The following KCNT2 variants were observed in gnomAD, a reference collection of about 807,000 sequenced individuals.
KCNT2 encodes the protein potassium sodium-activated channel subfamily T member 2, also known as potassium channel subfamily T member 2.
Under a neutral mutation model 153.8 loss-of-function variants are expected in KCNT2, and 67 were observed. The ratio of observed to expected loss-of-function variants is 0.44; its 90% CI spans 0.36 to 0.53. The LOEUF is 0.53. Among genes scored for constraint, KCNT2 ranks in the 20% least tolerant of loss-of-function variants. KCNT2 has a pLI of 0.00. For synonymous variants in KCNT2, 500 were observed against 458.8 expected, an observed-to-expected ratio of 1.09 and a Z score of -1.15; for missense variants, 975 against 1,354.8, an observed-to-expected ratio of 0.72 and a Z score of 4.40.
intron 1 of KCNT2, among the ~76,000 whole-genome samples, chr1:196,594,342 T>C (rs1482789085): frequency 6.6e-6 from 1 of 152,182 alleles, no homozygotes; most frequent in African/African-American, 2.4e-5. Context: ...AGGCTTAGAA[T>C]GAACATTAAA....
At chr1:196,423,793 A>G (rs1325367050) in intron 11 of KCNT2, among the ~76,000 whole-genome samples, 1 of 151,820 alleles carries the variant, frequency 6.6e-6, no homozygotes, top group Non-Finnish European at 1.5e-5. Context: ...AATAAGACCA[A>G]ACCAAACAGT....
intron 25 of KCNT2, among the ~76,000 whole-genome samples, chr1:196,279,398 C>T (rs1261871315): frequency 3.3e-5 from 5 of 151,756 alleles, no homozygotes; most frequent in Non-Finnish European, 7.4e-5. Flanking sequence ...GGAGGAGAGA[C>T]GGCAGCAAAA....
At chr1:196,288,458 G>A (rs975859007) in intron 22 of KCNT2, among the ~76,000 whole-genome samples, 1 of 152,056 alleles carries the variant, frequency 6.6e-6, no homozygotes, top group Non-Finnish European at 1.5e-5. Context: ...TTTAAGAGGA[G>A]GAGTGATACG....
chr1:196,522,904 A>G (rs1243614024), intron 1 of KCNT2, among the ~76,000 whole-genome samples: 2 of 152,212 alleles, frequency 1.3e-5, no homozygotes, highest in Non-Finnish European at 2.9e-5. Flanking sequence ...TGTAAAATGC[A>G]CCAATCAGCA....
At chr1:196,541,670 A>C (rs1379812693) in intron 1 of KCNT2, among the ~76,000 whole-genome samples, 1 of 152,094 alleles carries the variant, frequency 6.6e-6, no homozygotes, top group African/African-American at 2.4e-5. Flanking sequence ...TTTTCTAACA[A>C]GCAGGATATT....
intron 13 of KCNT2, among the ~76,000 whole-genome samples, chr1:196,389,408 G>A (rs1298549103): frequency 6.6e-6 from 1 of 151,528 alleles, no homozygotes; most frequent in East Asian, 1.9e-4. Context: ...TTGTACAGAA[G>A]AGGTTTTATT....
intron 1 of KCNT2, among the ~76,000 whole-genome samples, chr1:196,571,669 C>T (rs1037831308): frequency 6.6e-6 from 1 of 151,946 alleles, no homozygotes; most frequent in African/African-American, 2.4e-5. Context: ...AACTAGAGTC[C>T]AAATGGTACA....
At chr1:196,567,039 C>T (rs895676430) in intron 1 of KCNT2, among the ~76,000 whole-genome samples, 1 of 152,022 alleles carries the variant, frequency 6.6e-6, no homozygotes, top group African/African-American at 2.4e-5. Flanking sequence ...ATGCAAGAAT[C>T]ATATGACATC....
intron 1 of KCNT2, among the ~76,000 whole-genome samples, chr1:196,588,983 A>G (rs1055008443): frequency 6.6e-6 from 1 of 151,998 alleles, no homozygotes; most frequent in Non-Finnish European, 1.5e-5. Context: ...GCCTATAAGT[A>G]TTTAAAGACA....
intron 1 of KCNT2, among the ~76,000 whole-genome samples, chr1:196,549,707 C>T (rs1657634793): frequency 6.6e-6 from 1 of 151,920 alleles, no homozygotes; most frequent in East Asian, 1.9e-4. Context: ...ATAATGCACA[C>T]TAAATTTTAT....
intron 13 of KCNT2, among the ~76,000 whole-genome samples, chr1:196,374,897 A>T (rs1009411973): frequency 6.6e-6 from 1 of 151,832 alleles, no homozygotes; most frequent in Non-Finnish European, 1.5e-5. Flanking sequence ...AGAATTGTTA[A>T]AATTTCAAAC....
chr1:196,421,067 C>T (rs548811693), intron 12 of KCNT2, among the ~76,000 whole-genome samples: 14 of 152,176 alleles, frequency 9.2e-5, no homozygotes, highest in African/African-American at 3.4e-4. Flanking sequence ...CAGCTTGCTT[C>T]TAATTTGTTT....
At chr1:196,369,962 T>A (rs1668379233) in intron 14 of KCNT2, among the ~76,000 whole-genome samples, 2 of 151,822 alleles carry the variant, frequency 1.3e-5, no homozygotes, top group South Asian at 2.1e-4. Context: ...AAAAAACACA[T>A]GAAAAAATGC....
rs1202632619 is a variant in KCNT2, at chr1:196,469,042, T to C, written c.411A>G (p.Arg137=). ...TAATTATTTCCAAGATGAAGGGTATTCGTAAAATCTGTTCCCAGATGTTTC... is the reference window on the plus strand; with the variant it reads ...TAATTATTTCCAAGATGAAGGGTATCCGTAAAATCTGTTCCCAGATGTTTC... ...YKGNIWEQIL[R]IPFILEIINA... The change falls in exon 6 of 28, where the codon CGA becomes CGG. Residue 137 remains arginine (R), a synonymous_variant. Transcript: ENST00000294725. 1 of 1,599,536 alleles carries C rather than the reference T, an allele frequency of 6.3e-7. No individual in the cohort carries two copies. Among genetic ancestry groups the C allele is most frequent in the South Asian group, 1.1e-5 (1 of 89,632 alleles).
At chr1:196,584,022 A>G (rs1662367504) in intron 1 of KCNT2, among the ~76,000 whole-genome samples, 1 of 151,954 alleles carries the variant, frequency 6.6e-6, no homozygotes, top group Admixed American at 6.6e-5. Context: ...AATCTTGGTC[A>G]TACTCAGGTC....
Position 196,285,666 on chromosome 1 carries a change from CAG to C in KCNT2, c.2686_2687del (p.Leu896AlafsTer38). The C allele has an allele frequency of 1.2e-6, 2 of 1,600,930 alleles. No homozygotes were observed. The highest frequency in any genetic ancestry group is 1.7e-6 in the Non-Finnish European group (2 of 1,168,308). ...RVFSISMLDT[L>X]LYQSFVKDYM... ...AAGAAATATTGTATACCTGATACAG[CAG>C]AGTGTCCAACATACTGATGCTAAAC... On this transcript the variant is annotated frameshift_variant, in exon 23 of 28. Transcript: ENST00000294725. LOFTEE classifies it high-confidence loss of function.
At chr1:196,561,906 A>G (rs1659465263) in intron 1 of KCNT2, among the ~76,000 whole-genome samples, 2 of 151,926 alleles carry the variant, frequency 1.3e-5, no homozygotes, top group Non-Finnish European at 2.9e-5. Flanking sequence ...GGATTAAAAG[A>G]TTTGGCAACT....
chr1:196,607,750 C>T (rs1039508831), intron 1 of KCNT2, among the ~76,000 whole-genome samples: 1 of 152,172 alleles, frequency 6.6e-6, no homozygotes, highest in Non-Finnish European at 1.5e-5. Flanking sequence ...CTCAAGACAA[C>T]ACAGACAAGG....
At chr1:196,478,107 T>G (rs1678695023) in intron 5 of KCNT2, among the ~76,000 whole-genome samples, 1 of 152,244 alleles carries the variant, frequency 6.6e-6, no homozygotes, top group Admixed American at 6.5e-5. Flanking sequence ...TCCTTCAAAC[T>G]TAGAAGCTAT....
Sources: gnomAD v4.1 joint callset for allele counts (sites outside exome capture counted in the v4.1 genomes callset) on GRCh38, gnomAD v4.1.1 for gene constraint, MANE v1.5 for transcripts, NCBI Gene and HGNC (gene_info 2026-07-23, HGNC 2026-07-21) for gene names.